TRMT11: variants seen among roughly 807,000 people sequenced by gnomAD.
TRMT11 encodes tRNA methyltransferase 11, also known as tRNA (guanine(10)-N(2))-methyltransferase TRMT11.
Under a neutral mutation model 62.8 loss-of-function variants are expected in TRMT11, and 53 were observed. The ratio of observed to expected loss-of-function variants is 0.84; its 90% CI spans 0.68 to 1.06. TRMT11 has a LOEUF of 1.06. Ranked by LOEUF, TRMT11 falls within the 50% of genes least tolerant of loss-of-function variation. The probability of loss-of-function intolerance (pLI) is 0.00; values close to 1 mark genes in which losing one functional copy is unlikely to be tolerated. For missense variants in TRMT11, 556 were observed against 553.4 expected, an observed-to-expected ratio of 1.00 and a Z score of -0.05; for synonymous variants, 188 against 190.3, an observed-to-expected ratio of 0.99 and a Z score of 0.10.
chr6:126,224,271 G>A, the TRMT11 span, among the ~76,000 whole-genome samples: 1 of 152,204 alleles, frequency 6.6e-6, no homozygotes, highest in African/African-American at 2.4e-5. Context: ...GTTGTGGGTT[G>A]ATGAGAATTC....
intron 17 of TRMT11, among the ~76,000 whole-genome samples, chr6:126,102,272 C>T (rs990594068): frequency 2.6e-5 from 4 of 152,128 alleles, no homozygotes; most frequent in African/African-American, 9.7e-5. Flanking sequence ...AAAGTTTGAA[C>T]TAACTATATT....
At chr6:126,215,925 T>G in the TRMT11 span, among the ~76,000 whole-genome samples, 1 of 152,258 alleles carries the variant, frequency 6.6e-6, no homozygotes, top group South Asian at 2.1e-4. Context: ...TCTGTTGATT[T>G]CTTGTACTGT....
At chr6:126,144,513 G>A (rs944207941) in intron 21 of TRMT11, among the ~76,000 whole-genome samples, 7 of 152,148 alleles carry the variant, frequency 4.6e-5, no homozygotes, top group Admixed American at 4.6e-4. Context: ...AGTTTGTATG[G>A]CCGGTGCCAC....
intron 17 of TRMT11, among the ~76,000 whole-genome samples, chr6:126,084,310 G>A (rs976663889): frequency 6.6e-6 from 1 of 152,044 alleles, no homozygotes; most frequent in African/African-American, 2.4e-5. Flanking sequence ...GGTATCTCAT[G>A]GTGGTTTTGA....
the TRMT11 span, among the ~76,000 whole-genome samples, chr6:126,248,239 A>T: frequency 6.6e-6 from 1 of 152,108 alleles, no homozygotes; most frequent in African/African-American, 2.4e-5. Context: ...GGAACTCAAG[A>T]AAGAGGTAAA....
At chr6:126,194,461 A>T (rs1778641518) in intron 1 of TRMT11, among the ~76,000 whole-genome samples, 1 of 152,166 alleles carries the variant, frequency 6.6e-6, no homozygotes, top group Admixed American at 6.5e-5. Context: ...ACTCAACAAG[A>T]CCTTATTAAT....
At chr6:125,991,110 G>A (rs928923512) in intron 1 of TRMT11, among the ~76,000 whole-genome samples, 1 of 151,910 alleles carries the variant, frequency 6.6e-6, no homozygotes, top group Non-Finnish European at 1.5e-5. Flanking sequence ...GCCAGATGTG[G>A]TGGTGTGCGC....
At chr6:126,105,411 CT>C (rs1425734658) in intron 17 of TRMT11, among the ~76,000 whole-genome samples, 1 of 152,032 alleles carries the variant, frequency 6.6e-6, no homozygotes, top group Non-Finnish European at 1.5e-5. Flanking sequence ...AACAATAAAA[CT>C]TTTCATTTTT....
At chr6:126,160,263 T>C (rs1330673) in intron 21 of TRMT11, among the ~76,000 whole-genome samples, 48,129 of 151,766 alleles carry the variant, frequency 0.32, 9,205 homozygotes, top group African/African-American at 0.54. Context: ...TATATGCTCT[T>C]AGGGAGACTT....
At chr6:126,258,578 T>A in the TRMT11 span, among the ~76,000 whole-genome samples, 21 of 152,242 alleles carry the variant, frequency 1.4e-4, no homozygotes, top group African/African-American at 4.6e-4. Flanking sequence ...TCTGTTCAGA[T>A]TTTCTATTTT....
chr6:126,201,030 G>A (rs1015176392), intron 3 of TRMT11, among the ~76,000 whole-genome samples: 2 of 152,092 alleles, frequency 1.3e-5, no homozygotes, highest in Non-Finnish European at 2.9e-5. Context: ...TGCTAACATG[G>A]CTTTAAATGC....
intron 8 of TRMT11, chr6:126,008,854 G>T (rs564724873): frequency 2.5e-5 from 9 of 362,020 alleles, no homozygotes; most frequent in East Asian, 2.0e-4. Flanking sequence ...GTTGCTCAAG[G>T]GTCAACTGTA....
upstream of TRMT11, among the ~76,000 whole-genome samples, chr6:126,176,669 G>A (rs566378167): frequency 3.3e-5 from 5 of 152,286 alleles, no homozygotes; most frequent in East Asian, 9.6e-4. Context: ...ACTTGTGATG[G>A]TCTAGCTGAT....
chr6:126,208,617 T>G (rs1159107872), downstream of TRMT11, among the ~76,000 whole-genome samples: 1 of 152,192 alleles, frequency 6.6e-6, no homozygotes. Context: ...GGAAAGAAAA[T>G]GAACAATACC....
At chr6:126,013,732 G>A (rs190315878) in intron 11 of TRMT11, among the ~76,000 whole-genome samples, 16 of 152,322 alleles carry the variant, frequency 1.1e-4, no homozygotes, top group African/African-American at 3.6e-4. Context: ...ACAAAATAAT[G>A]TGTGACAGAA....
At chr6:126,147,627 G>A (rs888966798) in intron 21 of TRMT11, among the ~76,000 whole-genome samples, 9 of 152,012 alleles carry the variant, frequency 5.9e-5, no homozygotes, top group African/African-American at 7.2e-5. Context: ...TCGTCCCTGC[G>A]GTACCTTACC....
At chr6:125,997,768 C>G (rs1343291589) in intron 3 of TRMT11, among the ~76,000 whole-genome samples, 3 of 152,188 alleles carry the variant, frequency 2.0e-5, no homozygotes, top group Non-Finnish European at 4.4e-5. Flanking sequence ...CTCGGCCTCC[C>G]AAGATGCTGG....
At chr6:126,186,895 A>G (rs1471453540) in intron 1 of TRMT11, among the ~76,000 whole-genome samples, 1 of 152,092 alleles carries the variant, frequency 6.6e-6, no homozygotes, top group Admixed American at 6.6e-5. Flanking sequence ...ATAAAGAAAT[A>G]TTCTTCCAAC....
intron 17 of TRMT11, among the ~76,000 whole-genome samples, chr6:126,091,328 G>A (rs960968218): frequency 1.3e-5 from 2 of 152,120 alleles, no homozygotes; most frequent in South Asian, 2.1e-4. Flanking sequence ...TAACCTACGC[G>A]TACCAATCAC....
Sources: gnomAD v4.1 joint callset for allele counts (sites outside exome capture counted in the v4.1 genomes callset) on GRCh38, gnomAD v4.1.1 for gene constraint, MANE v1.5 for transcripts, NCBI Gene and HGNC (gene_info 2026-07-23, HGNC 2026-07-21) for gene names.